Variants in GIMAP5 observed in about 807,000 individuals in gnomAD.
GIMAP5 encodes the protein GTPase IMAP family member 5.
In GIMAP5, 8 loss-of-function variants were observed where a neutral mutation model predicts 9.9. The ratio of observed to expected loss-of-function variants is 0.81; its 90% CI spans 0.47 to 1.45. The LOEUF (loss-of-function observed/expected upper bound fraction) is 1.45, where lower values mean the gene tolerates loss of function less well. Ranked by LOEUF, GIMAP5 falls within the 40% of genes most tolerant of loss-of-function variation. The pLI, the probability that GIMAP5 is intolerant of heterozygous loss-of-function variation, is 0.00. For missense variants in GIMAP5, 353 were observed against 367.4 expected, an observed-to-expected ratio of 0.96 and a Z score of 0.32; for synonymous variants, 174 against 151.4, an observed-to-expected ratio of 1.15 and a Z score of -1.09.
At chr7:150,741,565 C>G (rs568696234) in intron 2 of GIMAP5, among the ~76,000 whole-genome samples, 1 of 152,270 alleles carries the variant, frequency 6.6e-6, no homozygotes, top group South Asian at 2.1e-4. Context: ...AGCCATCCAC[C>G]CTAGGGTCAT....
chr7:150,740,671 A>G lies in GIMAP5; in HGVS notation c.-6-208A>G. On this transcript the variant is annotated intron_variant, in intron 1 of 2. Transcript: ENST00000358647. ...GAGGGGAGGGAAGTAATCGTGCACTATTTTAGCATAACCTAACATCTAACA... is the reference window on the plus strand; with the variant it reads ...GAGGGGAGGGAAGTAATCGTGCACTGTTTTAGCATAACCTAACATCTAACA... 6 of 525,482 alleles carry G rather than the reference A, an allele frequency of 1.1e-5. 1 individual carries two copies. In the South Asian group the frequency reaches 1.6e-4, roughly 14 times the overall value. 32.6% of individuals were successfully genotyped at this position (525,482 alleles called of 1,614,324 possible).
At chr7:150,741,470 G>T (rs9657886) in intron 2 of GIMAP5, among the ~76,000 whole-genome samples, 47,627 of 152,004 alleles carry the variant, frequency 0.31, 7,661 homozygotes, top group African/African-American at 0.34. Context: ...CACCACTTCT[G>T]CTATAATTTT....
At position 150,737,555 on chromosome 7, in the gene GIMAP5, C is replaced by T; in HGVS notation, c.-160C>T. On this transcript the variant is annotated 5_prime_UTR_variant, in exon 1 of 3. Transcript: ENST00000358647. ...GCACATGGCTCCTCCTTAACTGCGT[C>T]TGCTCAACCTCCCTCAGCCCTGTGA... is the stretch of plus-strand genomic sequence containing the variant. The T allele has an allele frequency of 1.3e-6, 2 of 1,535,684 alleles. No individual in the cohort carries two copies. Among genetic ancestry groups the T allele is most frequent in the Non-Finnish European group, 1.7e-6 (2 of 1,146,902 alleles).
chr7:150,737,653 C>G lies in GIMAP5; in HGVS notation c.-62C>G, dbSNP rs753268922. On this transcript the variant is annotated 5_prime_UTR_variant, in exon 1 of 3. Coordinates refer to ENST00000358647, the MANE Select transcript of GIMAP5 (RefSeq NM_018384.5). ...CTTCACCTTCCTGAGAGAGGACCAG[C>G]GGCCAGAGCCTCAGTGACTGCCACC... is the stretch of plus-strand genomic sequence containing the variant. 8.5e-6 allele frequency: 13 copies of G among 1,535,568 alleles called. No homozygotes were observed. Among genetic ancestry groups the G allele is most frequent in the South Asian group, 2.4e-5 (2 of 84,058 alleles).
chr7:150,737,508 A>C lies in GIMAP5; in HGVS notation c.-207A>C. On this transcript the variant is annotated 5_prime_UTR_variant, in exon 1 of 3. Transcript: ENST00000358647. Reference sequence around the variant, plus strand: ...CTCTACTTTTCTTTTTGTGCAGCTGAGTCATGGAGCTTTCAGCCCCAGCAC... The same window carrying C: ...CTCTACTTTTCTTTTTGTGCAGCTGCGTCATGGAGCTTTCAGCCCCAGCAC... 6.5e-7 allele frequency: 1 copy of C among 1,535,218 alleles called. No individual in the cohort carries two copies. The highest frequency in any genetic ancestry group is 8.7e-7 in the Non-Finnish European group (1 of 1,146,542).
Position 150,737,657 on chromosome 7 carries a change from C to T in GIMAP5, c.-58C>T. ...ACCTTCCTGAGAGAGGACCAGCGGC[C>T]AGAGCCTCAGTGACTGCCACCCTGG... On this transcript the variant is annotated 5_prime_UTR_variant, in exon 1 of 3. Transcript: ENST00000358647. 1 of 1,535,714 alleles carries T rather than the reference C, an allele frequency of 6.5e-7. No homozygotes were observed. The highest frequency in any genetic ancestry group is 8.7e-7 in the Non-Finnish European group (1 of 1,146,908).
At position 150,740,889 on chromosome 7, in the gene GIMAP5, G is replaced by A; in HGVS notation, c.5G>A (p.Gly2Glu). 15 of 1,614,056 alleles carry A rather than the reference G, an allele frequency of 9.3e-6. No individual in the cohort carries two copies. Among genetic ancestry groups the A allele is most frequent in the East Asian group, 2.2e-5 (1 of 44,880 alleles). Reference protein sequence around the residue: MGGFQRGKYGTM... With the variant: MEGFQRGKYGTM... ...CTGTTTTTATTCCAGGAGAGAATGG[G>A]AGGATTCCAGAGGGGCAAATATGGA... The change falls in exon 2 of 3, where the codon GGA (glycine) becomes GAA (glutamate). Residue 2 changes from glycine to glutamate, a missense_variant. Coordinates refer to ENST00000358647, the MANE Select transcript of GIMAP5 (RefSeq NM_018384.5).
Position 150,743,200 on chromosome 7 carries a change from C to T in GIMAP5, c.*137C>T. On this transcript the variant is annotated 3_prime_UTR_variant, in exon 3 of 3. Transcript: ENST00000358647. Reference sequence around the variant, plus strand: ...TGTGCAGCTCCCATTTCCCCTTCTTCCTGATAGACTTGGAGCTGTGTGCCT... The same window carrying T: ...TGTGCAGCTCCCATTTCCCCTTCTTTCTGATAGACTTGGAGCTGTGTGCCT... 1 of 1,155,968 alleles carries T rather than the reference C, an allele frequency of 8.7e-7. No homozygotes were observed. Among genetic ancestry groups the T allele is most frequent in the Non-Finnish European group, 1.2e-6 (1 of 834,042 alleles). 71.6% of individuals were successfully genotyped at this position (1,155,968 alleles called of 1,614,324 possible). A position where few individuals can be genotyped will look rare whatever the true frequency, so the allele number is the denominator to read the frequency against.
Position 150,742,500 on chromosome 7 carries a change from G to A in GIMAP5, c.361G>A (p.Gly121Arg), listed in dbSNP as rs758470990. Residue 121 changes from glycine to arginine, a missense_variant, in exon 3 of 3, where the codon GGG becomes AGG. Physicochemically the swap from Gly to Arg is moderately radical, Grantham distance 125 (BLOSUM62 -2). Transcript: ENST00000358647. ...PHVLLLVIQL[G>R]RFTAQDTVAI... ...CGTCCTGCTTCTGGTGATCCAGCTG[G>A]GGCGTTTCACTGCTCAGGACACAGT... The A allele has an allele frequency of 5.0e-6, 8 of 1,614,186 alleles. No individual in the cohort carries two copies. The highest frequency in any genetic ancestry group is 6.8e-6 in the Non-Finnish European group (8 of 1,180,032).
At chr7:150,741,785 G>T (rs1368635015) in intron 2 of GIMAP5, among the ~76,000 whole-genome samples, 2 of 152,226 alleles carry the variant, frequency 1.3e-5, no homozygotes, top group Non-Finnish European at 2.9e-5. Context: ...AAATGTGTGG[G>T]TGAAAGAGAA....
In GIMAP5 at chr7:150,742,481, G is replaced by C. The variant is rs1563374677; in HGVS notation, c.342G>C (p.Leu114=). The change falls in exon 3 of 3, where the codon CTG becomes CTC. Residue 114 remains leucine, a synonymous_variant. Transcript: ENST00000358647. ...YLLSAPGPHV[L]LLVIQLGRFT... ...TCTCTGCCCCGGGGCCCCACGTCCT[G>C]CTTCTGGTGATCCAGCTGGGGCGTT... The C allele has an allele frequency of 6.2e-7, 1 of 1,614,230 alleles. No individual in the cohort carries two copies. The highest frequency in any genetic ancestry group is 8.5e-7 in the Non-Finnish European group (1 of 1,180,036).
intron 2 of GIMAP5, among the ~76,000 whole-genome samples, chr7:150,741,320 C>T (rs1159457794): frequency 6.6e-6 from 1 of 152,014 alleles, no homozygotes; most frequent in Non-Finnish European, 1.5e-5. Context: ...GAAGAACCAA[C>T]CCAGAGTGGG....
chr7:150,743,183 TC>T lies in GIMAP5; in HGVS notation c.*123del. The T allele has an allele frequency of 7.8e-7, 1 of 1,280,998 alleles. No individual in the cohort carries two copies. The highest frequency in any genetic ancestry group is 1.1e-6 in the Non-Finnish European group (1 of 940,374). The allele number at this position is 1,280,998 out of a possible 1,614,324, so 79.4% of individuals were successfully genotyped here. A position where few individuals can be genotyped will look rare whatever the true frequency, so the allele number is the denominator to read the frequency against. ...GCATGCTGCTTGCTGTCTGTGCAGC[TC>T]CCATTTCCCCTTCTTCCTGATAGAC... On this transcript the variant is annotated 3_prime_UTR_variant, in exon 3 of 3. Coordinates refer to ENST00000358647, the MANE Select transcript of GIMAP5 (RefSeq NM_018384.5).
Position 150,743,209 on chromosome 7 carries a change from C to A in GIMAP5, c.*146C>A. 2 of 1,088,336 alleles carry A rather than the reference C, an allele frequency of 1.8e-6. No homozygotes were observed. Among genetic ancestry groups the A allele is most frequent in the Non-Finnish European group, 2.6e-6 (2 of 776,586 alleles). 67.4% of individuals were successfully genotyped at this position (1,088,336 alleles called of 1,614,324 possible). On this transcript the variant is annotated 3_prime_UTR_variant, in exon 3 of 3. Coordinates refer to ENST00000358647, the MANE Select transcript of GIMAP5 (RefSeq NM_018384.5). ...CCCATTTCCCCTTCTTCCTGATAGA[C>A]TTGGAGCTGTGTGCCTCCACTCCAA...
Position 150,740,929 on chromosome 7 carries a change from T to G in GIMAP5, c.43+2T>G, listed in dbSNP as rs758689551. The stretch of plus-strand genomic sequence containing the variant: ...GCAAATATGGAACTATGGCTGAAGG[T>G]AAGAAAGTCTTGAAGTTCTCAAGAG... On this transcript the variant is annotated splice_donor_variant, in intron 2 of 2. Coordinates refer to ENST00000358647, the MANE Select transcript of GIMAP5 (RefSeq NM_018384.5). LOFTEE classifies it high-confidence loss of function. The G allele has an allele frequency of 3.1e-6, 5 of 1,614,008 alleles. No homozygotes were observed.
chr7:150,738,158 C>T (rs111720668), intron 1 of GIMAP5: 3,343 of 170,052 alleles, frequency 0.02, 101 homozygotes, highest in African/African-American at 0.069. Context: ...AGACACGTAC[C>T]ATGTCTCAGA....
intron 1 of GIMAP5, chr7:150,738,838 T>C (rs1172483760): frequency 6.6e-6 from 1 of 152,260 alleles, no homozygotes; most frequent in East Asian, 1.9e-4. Context: ...TATAATCTTC[T>C]CCATGACTCA....
At position 150,742,371 on chromosome 7, in the gene GIMAP5, G is replaced by A. The variant is rs1248908875; in HGVS notation, c.232G>A (p.Val78Ile). 6.2e-7 allele frequency: 1 copy of A among 1,614,086 alleles called. No homozygotes were observed. Among genetic ancestry groups the A allele is most frequent in the Non-Finnish European group, 8.5e-7 (1 of 1,180,044 alleles). ...VKTGTWNGRK[V>I]LVVDTPSIFE... The stretch of plus-strand genomic sequence containing the variant: ...AACAGGAACATGGAACGGGAGGAAA[G>A]TCCTGGTGGTTGACACGCCCTCCAT... The change falls in exon 3 of 3, where the codon GTC becomes ATC. Residue 78 changes from valine to isoleucine, a missense_variant. Coordinates refer to ENST00000358647, the MANE Select transcript of GIMAP5 (RefSeq NM_018384.5).
chr7:150,742,759 T>C lies in GIMAP5; in HGVS notation c.620T>C (p.Ile207Thr), dbSNP rs746191943. 10 of 1,613,954 alleles carry C rather than the reference T, an allele frequency of 6.2e-6. No individual in the cohort carries two copies. The highest frequency in any genetic ancestry group is 4.5e-5 in the East Asian group (2 of 44,880). The change falls in exon 3 of 3, where the codon ATT (isoleucine) becomes ACT (threonine). Residue 207 changes from isoleucine to threonine, a missense_variant. Ile to Thr is a moderately conservative substitution (Grantham distance 89, BLOSUM62 -1). Coordinates refer to ENST00000358647, the MANE Select transcript of GIMAP5 (RefSeq NM_018384.5). ...RQQQAELLAV[I>T]ERLGREREGS... ...CAGCAGGCAGAGCTCCTGGCTGTGATTGAGAGGCTGGGGAGGGAGCGAGAG... is the reference window on the plus strand; with the variant it reads ...CAGCAGGCAGAGCTCCTGGCTGTGACTGAGAGGCTGGGGAGGGAGCGAGAG...
Sources: allele counts gnomAD v4.1 joint callset (sites outside exome capture counted in the v4.1 genomes callset), GRCh38; gene constraint gnomAD v4.1.1; transcripts MANE v1.5; gene names NCBI Gene and HGNC (gene_info 2026-07-23, HGNC 2026-07-21).